Variants in OXA1L observed in about 807,000 individuals in gnomAD.
OXA1L encodes the protein OXA1L mitochondrial inner membrane insertase, also known as mitochondrial inner membrane protein OXA1L.
In OXA1L, 42 loss-of-function variants were observed where a neutral mutation model predicts 52.2. The observed-to-expected ratio is 0.80, with a 90% CI of 0.63 to 1.04. The LOEUF (loss-of-function observed/expected upper bound fraction) is 1.04. Among genes scored for constraint, OXA1L ranks in the 50% least tolerant of loss-of-function variants. The pLI is 0.00. For synonymous variants in OXA1L, 239 were observed against 201.9 expected, an observed-to-expected ratio of 1.18 and a Z score of -1.56; for missense variants, 572 against 555.0, an observed-to-expected ratio of 1.03 and a Z score of -0.31.
chr14:22,767,723 G>A (rs1270158775), intron 2 of OXA1L: 7 of 500,666 alleles, frequency 1.4e-5, no homozygotes, highest in Non-Finnish European at 2.5e-5. Flanking sequence ...AGTGATAAAA[G>A]AAATAACTTC....
At position 22,771,117 on chromosome 14, in the gene OXA1L, C is replaced by CACT; in HGVS notation, c.1039_1040insACT (p.Arg347delinsHisCys). 1 of 1,614,076 alleles carries CACT rather than the reference C, an allele frequency of 6.2e-7. No individual in the cohort carries two copies. Among genetic ancestry groups the CACT allele is most frequent in the South Asian group, 1.1e-5 (1 of 91,080 alleles). ...ACGCACTGTACTTAAAATCCCCCAG[C>CACT]GTGTTGTACATGACCTGGACAAATT... On this transcript the variant is annotated protein_altering_variant, in exon 8 of 10. Transcript: ENST00000612549.
At position 22,769,815 on chromosome 14, in the gene OXA1L, T is replaced by C; in HGVS notation, c.464T>C (p.Ile155Thr). 6.2e-7 allele frequency: 1 copy of C among 1,614,168 alleles called. No individual in the cohort carries two copies. Among genetic ancestry groups the C allele is most frequent in the Non-Finnish European group, 8.5e-7 (1 of 1,180,016 alleles). Reference protein sequence around the residue: ...AACTVFARCLIFPLIVTGQRE... With the variant: ...AACTVFARCLTFPLIVTGQRE... ...GGTACAGTCTTTGCCCGCTGCCTGATTTTTCCTCTCATCGTGACGGGCCAG... is the reference window on the plus strand; with the variant it reads ...GGTACAGTCTTTGCCCGCTGCCTGACTTTTCCTCTCATCGTGACGGGCCAG... The change falls in exon 4 of 10, where the codon ATT (isoleucine) becomes ACT (threonine). Residue 155 changes from isoleucine (I) to threonine (T), a missense_variant. By Grantham distance (89) the Ile-to-Thr change is moderately conservative (BLOSUM62 -1). This residue lies in a region of OXA1L where 132 missense variants were observed against 124.0 expected (regional missense o/e 1.06). Coordinates refer to ENST00000612549, the MANE Select transcript of OXA1L (RefSeq NM_005015.5).
chr14:22,768,465 G>A, intron 3 of OXA1L: 1 of 384,450 alleles, frequency 2.6e-6, no homozygotes, highest in South Asian at 2.9e-5. Context: ...TAGAACAGAG[G>A]TTCAGGTCAG....
At position 22,770,255 on chromosome 14, in the gene OXA1L, CCT is replaced by C. The variant is rs935371009; in HGVS notation, c.650_651del (p.Leu217HisfsTer61). The C allele has an allele frequency of 6.2e-7, 1 of 1,609,696 alleles. No individual in the cohort carries two copies. The highest frequency in any genetic ancestry group is 8.5e-7 in the Non-Finnish European group (1 of 1,175,976). On this transcript the variant is annotated frameshift_variant, in exon 5 of 10. Transcript: ENST00000612549. LOFTEE classifies it high-confidence loss of function. ...AAAACATGGTATTAAACTCTATAAA[CCT>C]CTCATTCTCCCTGTGACTCAGGTGA... ...QKKHGIKLYKPLILPVTQAPI... is the reference protein window; with the variant it reads ...QKKHGIKLYKXLILPVTQAPI...
chr14:22,767,603 G>A (rs2038420774), intron 2 of OXA1L, 194 bp downstream of exon 2: 1 of 553,370 alleles, frequency 1.8e-6, no homozygotes, highest in Admixed American at 3.6e-5. Context: ...TACAACAGGA[G>A]AGATGTTATA....
rs560875034 is a variant in OXA1L, at chr14:22,771,286, T to C, written c.1121T>C (p.Met374Thr). The stretch of plus-strand genomic sequence containing the variant: ...TACACAGGCTGGAAAAATGCTGAAA[T>C]GACGCGTCAGCTGCGAGAGCGTGAA... The part of the protein sequence containing the change: ...SFKKGWKNAE[M>T]TRQLREREQR... Residue 374 changes from methionine (M) to threonine (T), a missense_variant, in exon 9 of 10, where the codon ATG becomes ACG. Transcript: ENST00000612549. 1.9e-6 allele frequency: 3 copies of C among 1,614,160 alleles called. No individual in the cohort carries two copies. Among genetic ancestry groups the C allele is most frequent in the East Asian group, 4.5e-5 (2 of 44,886 alleles).
chr14:22,772,227 TA>T lies in OXA1L; in HGVS notation c.*671del, dbSNP rs2038476634. 2 of 127,150 alleles carry T rather than the reference TA, an allele frequency of 1.6e-5. No individual in the cohort carries two copies. The highest frequency in any genetic ancestry group is 5.2e-5 in the African/African-American group (2 of 38,732). 7.9% of individuals were successfully genotyped at this position (127,150 alleles called of 1,614,324 possible). ...ACCCAGGCGCAGTGGCTCACGCCAG[TA>T]ATCCCAGCACTTTTGGGAGGCCAAG... is the stretch of plus-strand genomic sequence containing the variant. On this transcript the variant is annotated 3_prime_UTR_variant, in exon 10 of 10. Coordinates refer to ENST00000612549, the MANE Select transcript of OXA1L (RefSeq NM_005015.5).
Position 22,770,492 on chromosome 14 carries a change from TGA to T in OXA1L, c.708_709del (p.Glu236AspfsTer42). 1.9e-6 allele frequency: 3 copies of T among 1,614,090 alleles called. No individual in the cohort carries two copies. The highest frequency in any genetic ancestry group is 1.7e-6 in the Non-Finnish European group (2 of 1,179,936). On this transcript the variant is annotated frameshift_variant, in exon 6 of 10. Coordinates refer to ENST00000612549, the MANE Select transcript of OXA1L (RefSeq NM_005015.5). LOFTEE classifies it high-confidence loss of function. ...ATCTTCATCTCCTTCTTCATTGCTT[TGA>T]GAGAGATGGCCAACCTTCCTGTGCC...
In OXA1L at chr14:22,771,124, T is replaced by C; in HGVS notation, c.1046T>C (p.Val349Ala). Residue 349 changes from valine to alanine, a missense_variant, in exon 8 of 10, where the codon GTA becomes GCA. By Grantham distance (64) the Val-to-Ala change is moderately conservative. Coordinates refer to ENST00000612549, the MANE Select transcript of OXA1L (RefSeq NM_005015.5). ...RTVLKIPQRV[V>A]HDLDKLPPRE... The stretch of plus-strand genomic sequence containing the variant: ...GTACTTAAAATCCCCCAGCGTGTTG[T>C]ACATGACCTGGACAAATTACCTCCA... The C allele has an allele frequency of 2.5e-6, 4 of 1,614,152 alleles. No individual in the cohort carries two copies. Among genetic ancestry groups the C allele is most frequent in the Non-Finnish European group, 3.4e-6 (4 of 1,180,008 alleles).
chr14:22,771,344 CA>C lies in OXA1L; in HGVS notation c.1180del (p.Arg394GlyfsTer74). On this transcript the variant is annotated frameshift_variant, in exon 9 of 10. Transcript: ENST00000612549. LOFTEE classifies it high-confidence loss of function. ...RMRNQLELAA[R>X]GPLRQTFTHN... ...TGCGGAATCAGTTGGAGCTAGCAGC[CA>C]GGGGTAAATAGTCCTTTCAGGCCAA... is the stretch of plus-strand genomic sequence containing the variant. 4.3e-6 allele frequency: 7 copies of C among 1,614,140 alleles called. No homozygotes were observed. In the Middle Eastern group the frequency reaches 6.6e-4, roughly 152 times the overall value.
rs141240791 is a variant in OXA1L at position 22,771,450 on chromosome 14, C to G, written c.1200C>G (p.Thr400=). ...ELAARGPLRQ[T]FTHNPLLQPG... ...TCCCCTCAGGTCCTTTACGACAGACCTTTACCCACAACCCTCTCCTACAAC... is the reference window on the plus strand; with the variant it reads ...TCCCCTCAGGTCCTTTACGACAGACGTTTACCCACAACCCTCTCCTACAAC... Residue 400 remains threonine (T), a synonymous_variant, in exon 10 of 10, where the codon ACC becomes ACG. Coordinates refer to ENST00000612549, the MANE Select transcript of OXA1L (RefSeq NM_005015.5). The G allele has an allele frequency of 1.9e-6, 3 of 1,614,136 alleles. No homozygotes were observed. Among genetic ancestry groups the G allele is most frequent in the Non-Finnish European group, 2.5e-6 (3 of 1,180,016 alleles).
chr14:22,766,948 G>C, intron 1 of OXA1L, 184 bp downstream of exon 1: 1 of 1,517,040 alleles, frequency 6.6e-7, no homozygotes, highest in South Asian at 1.2e-5. Context: ...CAGCAGCCCG[G>C]TGTCAGCTTC....
chr14:22,769,812 T>C lies in OXA1L; in HGVS notation c.461T>C (p.Leu154Pro). The C allele has an allele frequency of 6.2e-7, 1 of 1,614,220 alleles. No homozygotes were observed. ...IAACTVFARC[L>P]IFPLIVTGQR... ...CCAGGTACAGTCTTTGCCCGCTGCC[T>C]GATTTTTCCTCTCATCGTGACGGGC... Residue 154 changes from leucine (L) to proline (P), a missense_variant, in exon 4 of 10, where the codon CTG becomes CCG. Physicochemically the swap from Leu to Pro is moderately conservative, Grantham distance 98 (BLOSUM62 -3). Coordinates refer to ENST00000612549, the MANE Select transcript of OXA1L (RefSeq NM_005015.5).
rs2038415144 is a variant in OXA1L, at chr14:22,767,256, C to T, written c.72C>T (p.Ser24=). 2 of 1,608,714 alleles carry T rather than the reference C, an allele frequency of 1.2e-6. No individual in the cohort carries two copies. The highest frequency in any genetic ancestry group is 1.7e-6 in the Non-Finnish European group (2 of 1,178,146). Residue 24 remains serine, a synonymous_variant, in exon 2 of 10, where the codon AGC becomes AGT. Coordinates refer to ENST00000612549, the MANE Select transcript of OXA1L (RefSeq NM_005015.5). ...RLLQSGRRVH[S]VAGPSQWLGK... ...TCCTTTTACACGCTCAGGTCCACAG[C>T]GTCGCAGGGCCCTCGCAATGGCTTG...
chr14:22,767,133 C>T, intron 1 of OXA1L, 115 bp from the exon 2 acceptor site: 2 of 1,527,590 alleles, frequency 1.3e-6, no homozygotes, highest in South Asian at 1.2e-5. Flanking sequence ...ATGTCCTCCC[C>T]TGTAGTGGCC....
At chr14:22,768,486 C>CA in intron 3 of OXA1L, 5 of 338,704 alleles carry the variant, frequency 1.5e-5, no homozygotes, top group South Asian at 6.7e-5. Flanking sequence ...GCACTTAAAC[C>CA]CCTAAATTGG....
At position 22,767,471 on chromosome 14, in the gene OXA1L, G is replaced by A. The variant is rs1158871030; in HGVS notation, c.225+62G>A. 2.7e-6 allele frequency: 4 copies of A among 1,472,032 alleles called. No individual in the cohort carries two copies. The African/African-American group carries it at 5.6e-5, about 21-fold the overall frequency. 91.2% of individuals were successfully genotyped at this position (1,472,032 alleles called of 1,614,324 possible). On this transcript the variant is annotated intron_variant, in intron 2 of 9. Transcript: ENST00000612549. ...TGTTTCCTGGTTGGTTTCATATTTT[G>A]TTTTGTTTGGGAGCAGGGGGAATAT... is the stretch of plus-strand genomic sequence containing the variant.
chr14:22,771,611 C>G lies in OXA1L; in HGVS notation c.*53C>G. The G allele has an allele frequency of 6.3e-7, 1 of 1,591,662 alleles. No homozygotes were observed. Among genetic ancestry groups the G allele is most frequent in the Admixed American group, 1.7e-5 (1 of 59,920 alleles). Reference sequence around the variant, plus strand: ...AATTCTGTCTCTTCAGAGACTCATCCTCAAAACAAGACTTGACACTGTGTC... The same window carrying G: ...AATTCTGTCTCTTCAGAGACTCATCGTCAAAACAAGACTTGACACTGTGTC... On this transcript the variant is annotated 3_prime_UTR_variant, in exon 10 of 10. Coordinates refer to ENST00000612549, the MANE Select transcript of OXA1L (RefSeq NM_005015.5).
chr14:22,771,120 G>T lies in OXA1L; in HGVS notation c.1042G>T (p.Val348Phe). ...CACTGTACTTAAAATCCCCCAGCGT[G>T]TTGTACATGACCTGGACAAATTACC... ...VRTVLKIPQR[V>F]VHDLDKLPPR... The change falls in exon 8 of 10, where the codon GTT becomes TTT. Residue 348 changes from valine (V) to phenylalanine (F), a missense_variant. By Grantham distance (50) the Val-to-Phe change is conservative. Transcript: ENST00000612549. 1 of 1,614,154 alleles carries T rather than the reference G, an allele frequency of 6.2e-7. No individual in the cohort carries two copies. The highest frequency in any genetic ancestry group is 1.1e-5 in the South Asian group (1 of 91,090).
Sources: allele counts gnomAD v4.1 joint callset, GRCh38; gene constraint gnomAD v4.1.1; regional missense constraint gnomAD v4.1.1; transcripts MANE v1.5; gene names NCBI Gene and HGNC (gene_info 2026-07-23, HGNC 2026-07-21).